The following ANKRD30BL variants were observed in gnomAD, a reference collection of about 807,000 sequenced individuals.
ANKRD30BL encodes the protein ankyrin repeat domain 30B like.
In ANKRD30BL, 20 loss-of-function variants were observed where a neutral mutation model predicts 18.4. That is an observed-to-expected ratio of 1.09 (90% CI 0.77 to 1.58). The LOEUF is 1.58. ANKRD30BL is among the 40% of genes most tolerant of loss of function. ANKRD30BL has a pLI of 0.00. For missense variants in ANKRD30BL, 224 were observed against 268.6 expected (o/e 0.83, Z 1.16); for synonymous variants, 72 against 100.9 (o/e 0.71, Z 1.72).
chr2:132,243,178 G>A (rs1036602163), intron 1 of ANKRD30BL, among the ~76,000 whole-genome samples: 1 of 151,796 alleles, frequency 6.6e-6, no homozygotes, highest in Non-Finnish European at 1.5e-5. Flanking sequence ...TCTGTAAGTG[G>A]ACATTTGGAA....
At chr2:132,238,962 C>T (rs796185972) in intron 1 of ANKRD30BL, among the ~76,000 whole-genome samples, 3 of 151,828 alleles carry the variant, frequency 2.0e-5, no homozygotes, top group Non-Finnish European at 4.4e-5. Flanking sequence ...AATATCTTCA[C>T]ATAAACACTA....
chr2:132,221,890 G>T (rs1316401055), intron 1 of ANKRD30BL, among the ~76,000 whole-genome samples: 3 of 123,586 alleles, frequency 2.4e-5, no homozygotes, highest in African/African-American at 7.7e-5. Context: ...CCCCTGCCCA[G>T]CCAGCCGCCC....
intron 1 of ANKRD30BL, among the ~76,000 whole-genome samples, chr2:132,226,497 C>T (rs199774431): frequency 2.2e-4 from 33 of 148,410 alleles, no homozygotes; most frequent in African/African-American, 6.5e-4. Flanking sequence ...GAGCACTTTG[C>T]GACCTATGTT....
intron 1 of ANKRD30BL, among the ~76,000 whole-genome samples, chr2:132,211,736 C>T (rs1396875639): frequency 6.6e-6 from 1 of 150,996 alleles, no homozygotes; most frequent in Non-Finnish European, 1.5e-5. Flanking sequence ...AAGGAAATAT[C>T]TTCACATAAA....
chr2:132,221,549 G>A (rs1163823987), intron 1 of ANKRD30BL, among the ~76,000 whole-genome samples: 1 of 135,764 alleles, frequency 7.4e-6, no homozygotes, highest in Admixed American at 6.9e-5. Context: ...GGAGGTGGGG[G>A]GGTCAGCCCC....
chr2:132,163,526 C>T (rs914064356), upstream of ANKRD30BL, among the ~76,000 whole-genome samples: 2 of 152,180 alleles, frequency 1.3e-5, no homozygotes, highest in Non-Finnish European at 2.9e-5. Flanking sequence ...CAAGCCTGGG[C>T]AACAGAGACT....
chr2:132,201,004 A>G (rs1679087129), intron 1 of ANKRD30BL, among the ~76,000 whole-genome samples: 1 of 152,186 alleles, frequency 6.6e-6, no homozygotes, highest in African/African-American at 2.4e-5. Context: ...ATCTACAACT[A>G]TCTGATCTTT....
intron 1 of ANKRD30BL, among the ~76,000 whole-genome samples, chr2:132,224,017 T>C (rs112917598): frequency 0.013 from 1,985 of 152,276 alleles, 38 homozygotes; most frequent in African/African-American, 0.045. Flanking sequence ...GATGTGTACA[T>C]TCAACGCACA....
intron 1 of ANKRD30BL, among the ~76,000 whole-genome samples, chr2:132,170,669 T>C (rs1372346376): frequency 1.3e-5 from 2 of 152,200 alleles, no homozygotes; most frequent in Non-Finnish European, 2.9e-5. Context: ...AGCCAATACC[T>C]ACTAAGTCCT....
chr2:132,212,348 G>A (rs1679378060), intron 1 of ANKRD30BL, among the ~76,000 whole-genome samples: 1 of 151,868 alleles, frequency 6.6e-6, no homozygotes, highest in Non-Finnish European at 1.5e-5. Context: ...TTTGTGATAT[G>A]TGCATGCATC....
At chr2:132,202,543 C>G (rs1405590464) in intron 1 of ANKRD30BL, among the ~76,000 whole-genome samples, 1 of 151,588 alleles carries the variant, frequency 6.6e-6, no homozygotes, top group Non-Finnish European at 1.5e-5. Flanking sequence ...ATTCAAATTT[C>G]ACTTACTTGA....
intron 1 of ANKRD30BL, among the ~76,000 whole-genome samples, chr2:132,195,192 G>A (rs1409539533): frequency 6.6e-6 from 1 of 152,152 alleles, no homozygotes; most frequent in East Asian, 1.9e-4. Context: ...CCATTTAGAT[G>A]ATTCAAAGAG....
At chr2:132,224,965 G>A (rs1319314459) in intron 1 of ANKRD30BL, among the ~76,000 whole-genome samples, 5 of 151,984 alleles carry the variant, frequency 3.3e-5, no homozygotes, top group Non-Finnish European at 5.9e-5. Flanking sequence ...GGCCTATGGT[G>A]GAAAAGGAAA....
chr2:132,161,416 C>T (rs1206781116), intron 1 of ANKRD30BL, 72 bp downstream of exon 1: 3 of 1,361,310 alleles, frequency 2.2e-6, no homozygotes, highest in East Asian at 2.5e-5. Context: ...CCCCCAGGCC[C>T]CACTCTGAAG....
intron 1 of ANKRD30BL, among the ~76,000 whole-genome samples, chr2:132,235,018 A>C (rs1422897440): frequency 1.3e-5 from 2 of 152,232 alleles, no homozygotes; most frequent in Non-Finnish European, 1.5e-5. Flanking sequence ...CCTGGGATGC[A>C]AGGCTGGTTC....
At chr2:132,167,100 T>G (rs1359449199) in intron 1 of ANKRD30BL, among the ~76,000 whole-genome samples, 1 of 151,132 alleles carries the variant, frequency 6.6e-6, no homozygotes, top group Non-Finnish European at 1.5e-5. Context: ...TTCCTGCTAT[T>G]TATTTCTACT....
chr2:132,251,895 T>C (rs1026888170), intron 1 of ANKRD30BL, among the ~76,000 whole-genome samples: 1 of 152,278 alleles, frequency 6.6e-6, no homozygotes, highest in Non-Finnish European at 1.5e-5. Context: ...ACCACCCTTG[T>C]TTTGATTTTG....
chr2:132,225,168 C>T (rs1232281338), intron 1 of ANKRD30BL, among the ~76,000 whole-genome samples: 1 of 151,838 alleles, frequency 6.6e-6, no homozygotes, highest in African/African-American at 2.4e-5. Flanking sequence ...AATCACTAGA[C>T]AGAAGCTTTC....
intron 1 of ANKRD30BL, among the ~76,000 whole-genome samples, chr2:132,248,402 T>C (rs113173949): frequency 2.0e-5 from 3 of 151,494 alleles, no homozygotes; most frequent in South Asian, 2.1e-4. Flanking sequence ...CATCATAAAG[T>C]AGTTTCTCAG....
Sources: allele counts gnomAD v4.1 joint callset (sites outside exome capture counted in the v4.1 genomes callset), GRCh38; gene constraint gnomAD v4.1.1; transcripts MANE v1.5; gene names NCBI Gene and HGNC (gene_info 2026-07-23, HGNC 2026-07-21).